FBXW11: variants seen among roughly 807,000 people sequenced by gnomAD.
FBXW11 encodes F-box and WD repeat domain containing 11, also known as F-box/WD repeat-containing protein 11.
FBXW11 carries 19 observed loss-of-function variants against 77.6 expected under a neutral mutation model. The observed-to-expected ratio is 0.24, with a 90% CI of 0.17 to 0.36. FBXW11 has a LOEUF of 0.36. FBXW11 is among the 10% of genes least tolerant of loss of function. The pLI is 1.00. For missense variants in FBXW11, 334 were observed against 704.2 expected (o/e 0.47, Z 5.95); for synonymous variants, 235 against 249.4 (o/e 0.94, Z 0.54).
intron 2 of FBXW11, among the ~76,000 whole-genome samples, chr5:171,919,062 C>T (rs1287616823): frequency 6.6e-6 from 1 of 152,092 alleles, no homozygotes; most frequent in African/African-American, 2.4e-5. Context: ...ATCCTGACCT[C>T]GCCATGGTAG....
At chr5:171,959,030 CAG>C (rs1479707109) in intron 1 of FBXW11, among the ~76,000 whole-genome samples, 3 of 150,984 alleles carry the variant, frequency 2.0e-5, no homozygotes, top group Non-Finnish European at 4.4e-5. Flanking sequence ...TGCTTGAAAT[CAG>C]AGAGACCTGG....
intron 8 of FBXW11, 138 bp downstream of exon 8, chr5:171,877,873 A>G: frequency 1.4e-6 from 1 of 693,636 alleles, no homozygotes; most frequent in Non-Finnish European, 2.5e-6. Context: ...TTGCGCAAAC[A>G]TGTCTACAAT....
chr5:171,951,100 T>C (rs1295257814), intron 2 of FBXW11, among the ~76,000 whole-genome samples: 3 of 152,022 alleles, frequency 2.0e-5, no homozygotes, highest in African/African-American at 7.2e-5. Flanking sequence ...AATAAAATAC[T>C]GATATTCCTT....
At chr5:171,899,201 T>C in intron 5 of FBXW11, 107 bp from the exon 6 acceptor site, 7 of 745,420 alleles carry the variant, frequency 9.4e-6, no homozygotes, top group South Asian at 2.0e-5. Flanking sequence ...TTAATTTGCA[T>C]TGAGTTTTAA....
chr5:171,996,275 T>C (rs762486984), intron 1 of FBXW11, among the ~76,000 whole-genome samples: 1 of 152,196 alleles, frequency 6.6e-6, no homozygotes, highest in Non-Finnish European at 1.5e-5. Flanking sequence ...AAGTTACCAT[T>C]TGTTTTCCAT....
intron 7 of FBXW11, among the ~76,000 whole-genome samples, chr5:171,878,592 A>G (rs4867659): frequency 0.62 from 81,980 of 132,678 alleles, 27,001 homozygotes; most frequent in South Asian, 0.77. Flanking sequence ...GTGTGTGTGT[A>G]AGAGAGAGAG....
intron 2 of FBXW11, among the ~76,000 whole-genome samples, chr5:171,946,338 T>C (rs537401845): frequency 6.6e-6 from 1 of 152,290 alleles, no homozygotes; most frequent in African/African-American, 2.4e-5. Flanking sequence ...GCCTCTTCTT[T>C]CTATGTCTAC....
chr5:171,878,345 C>A (rs906480880), intron 7 of FBXW11, among the ~76,000 whole-genome samples: 1 of 152,082 alleles, frequency 6.6e-6, no homozygotes, highest in Admixed American at 6.5e-5. Context: ...TAATTTGAAC[C>A]CTTAGCTATT....
At chr5:171,957,773 C>T in intron 1 of FBXW11, 75 bp from the exon 2 acceptor site, 1 of 1,272,676 alleles carries the variant, frequency 7.9e-7, no homozygotes, top group Non-Finnish European at 1.1e-6. Context: ...ACACAGGCAA[C>T]TTGAATGTTA....
At chr5:171,958,768 G>A (rs1763747115) in intron 1 of FBXW11, among the ~76,000 whole-genome samples, 1 of 152,048 alleles carries the variant, frequency 6.6e-6, no homozygotes, top group Non-Finnish European at 1.5e-5. Context: ...ATTTACTATG[G>A]CAAAATCAAT....
At chr5:171,891,081 A>G (rs567201919) in intron 7 of FBXW11, among the ~76,000 whole-genome samples, 2 of 152,372 alleles carry the variant, frequency 1.3e-5, no homozygotes, top group Admixed American at 6.5e-5. Context: ...TGAAAACAAT[A>G]TAAGTTGCTC....
At chr5:171,952,422 C>T (rs1245534411) in intron 2 of FBXW11, among the ~76,000 whole-genome samples, 1 of 14,634 alleles carries the variant, frequency 6.8e-5, no homozygotes, top group Non-Finnish European at 1.3e-4. Context: ...TGTGTACATA[C>T]ATATATATAT....
intron 1 of FBXW11, among the ~76,000 whole-genome samples, chr5:171,984,578 A>T (rs1765332843): frequency 6.6e-6 from 1 of 152,242 alleles, no homozygotes; most frequent in African/African-American, 2.4e-5. Flanking sequence ...CAAAATAGTT[A>T]TAAACAGTCT....
At chr5:171,962,763 T>A (rs1019778471) in intron 1 of FBXW11, among the ~76,000 whole-genome samples, 3 of 152,222 alleles carry the variant, frequency 2.0e-5, no homozygotes, top group Non-Finnish European at 4.4e-5. Flanking sequence ...GTATTCTGAT[T>A]GGCTCACTTG....
intron 10 of FBXW11, among the ~76,000 whole-genome samples, chr5:171,872,324 G>A (rs1228055209): frequency 6.6e-6 from 1 of 152,196 alleles, no homozygotes; most frequent in African/African-American, 2.4e-5. Flanking sequence ...AATGCCACTA[G>A]AGTGTGTTGA....
intron 1 of FBXW11, among the ~76,000 whole-genome samples, chr5:171,961,493 T>A (rs1294889188): frequency 4.6e-5 from 7 of 152,210 alleles, no homozygotes; most frequent in Admixed American, 1.3e-4. Context: ...AGAAAGTCTG[T>A]ACCCGCTAGC....
At chr5:171,968,920 C>T (rs141479002) in intron 1 of FBXW11, among the ~76,000 whole-genome samples, 34 of 152,136 alleles carry the variant, frequency 2.2e-4, no homozygotes, top group Non-Finnish European at 4.4e-4. Context: ...AAAATCCTTA[C>T]CCTACTTTCA....
chr5:172,006,056 C>T, intron 1 of FBXW11, among the ~76,000 whole-genome samples: 1 of 152,112 alleles, frequency 6.6e-6, no homozygotes, highest in Non-Finnish European at 1.5e-5. Flanking sequence ...CCATCTCACT[C>T]GGCCTGAGTG....
In FBXW11 at chr5:171,868,578, G is replaced by C. The variant is rs571869925; in HGVS notation, c.*25+32C>G. ...CCCAAAGGGAAGGTGAATTCAATCAGCAAAATTGGAAGGGGAGAGGATAGT... is the reference window on the plus strand; with the variant it reads ...CCCAAAGGGAAGGTGAATTCAATCACCAAAATTGGAAGGGGAGAGGATAGT... On this transcript the variant is annotated intron_variant, in intron 13 of 13. Coordinates refer to ENST00000517395, the MANE Select transcript of FBXW11 (RefSeq NM_001378974.1). 83 of 1,534,574 alleles carry C rather than the reference G, an allele frequency of 5.4e-5. No individual in the cohort carries two copies. The African/African-American group carries it at 1.1e-3, about 20-fold the overall frequency.
Sources: gnomAD v4.1 joint callset for allele counts (sites outside exome capture counted in the v4.1 genomes callset) on GRCh38, gnomAD v4.1.1 for gene constraint, MANE v1.5 for transcripts, NCBI Gene and HGNC (gene_info 2026-07-23, HGNC 2026-07-21) for gene names.